Variants in MGST1 observed in about 807,000 individuals in gnomAD.
The protein encoded by MGST1 is microsomal glutathione S-transferase 1.
MGST1 carries 5 observed loss-of-function variants against 8.9 expected under a neutral mutation model. That is an observed-to-expected ratio of 0.56 (90% CI 0.29 to 1.19). The LOEUF (loss-of-function observed/expected upper bound fraction) is 1.19. Ranked by LOEUF, MGST1 falls within the 50% of genes most tolerant of loss-of-function variation. MGST1 has a pLI of 0.08. For missense variants in MGST1, 182 were observed against 187.4 expected (o/e 0.97, Z 0.17); for synonymous variants, 54 against 67.8 (o/e 0.80, Z 1.00).
At chr12:16,423,283 C>T (rs1940853980) in intron 1 of MGST1, among the ~76,000 whole-genome samples, 1 of 152,166 alleles carries the variant, frequency 6.6e-6, no homozygotes, top group Non-Finnish European at 1.5e-5. Flanking sequence ...TCAACTCAGA[C>T]CTGGCATGTA....
intron 4 of MGST1, chr12:16,573,518 A>G (rs1041374794): frequency 6.6e-6 from 1 of 152,192 alleles, no homozygotes; most frequent in Non-Finnish European, 1.5e-5. Flanking sequence ...CAGCCTGTCA[A>G]AAAAACCTGT....
At position 16,481,656 on chromosome 12, in the gene MGST1, TTAA is replaced by T. The variant is rs539056911; in HGVS notation, n.482+98057_482+98059del. Among the ~76,000 whole-genome samples, 27 of 152,104 alleles carry T rather than the reference TTAA, an allele frequency of 1.8e-4. 1 individual carries two copies. In the East Asian group the frequency reaches 5.2e-3, roughly 29 times the overall value. On this transcript the variant is annotated intron_variant and non_coding_transcript_variant, in intron 4 of 4. Coordinates refer to the MGST1 transcript ENST00000538857. ...AGATTGGACATGGCTGAAGAAATAA[TTAA>T]TAATCTAGACGGTAGATCTAAAGAA... is the stretch of plus-strand genomic sequence containing the variant.
intron 4 of MGST1, among the ~76,000 whole-genome samples, chr12:16,516,542 A>G (rs1941616874): frequency 1.3e-5 from 2 of 152,186 alleles, no homozygotes; most frequent in African/African-American, 2.4e-5. Flanking sequence ...TTTCCATTCT[A>G]CATCTGAAAG....
In MGST1 at chr12:16,446,529, A is replaced by C. The variant is rs2193140; in HGVS notation, n.482+62925A>C. 4.6e-5 allele frequency among the ~76,000 whole-genome samples: 7 copies of C among 151,682 alleles called. No individual in the cohort carries two copies. In the South Asian group the frequency reaches 1.0e-3, roughly 23 times the overall value. On this transcript the variant is annotated intron_variant and non_coding_transcript_variant, in intron 4 of 4. Coordinates refer to the MGST1 transcript ENST00000538857. ...ATTTATTTGTATTTAGAGATGCTGT[A>C]TTCTATTAACCATCTCCACAACTCC...
chr12:16,567,684 G>A (rs1942665274), intron 4 of MGST1: 1 of 152,192 alleles, frequency 6.6e-6, no homozygotes, highest in Non-Finnish European at 1.5e-5. Flanking sequence ...GTTAGGTGGA[G>A]TAGGTAGAGA....
rs1268191610 is a variant in MGST1 at position 16,413,285 on chromosome 12, G to A, written n.779-24103G>A. Among the ~76,000 whole-genome samples, 1 of 152,200 alleles carries A rather than the reference G, an allele frequency of 6.6e-6. No homozygotes were observed. The highest frequency in any genetic ancestry group is 6.5e-5 in the Admixed American group (1 of 15,278). Reference sequence around the variant, plus strand: ...CATACCACTTGTGTTGAGAAGCCATGCTAGCCACTGCTCAGGTAGCTGTCA... The same window carrying A: ...CATACCACTTGTGTTGAGAAGCCATACTAGCCACTGCTCAGGTAGCTGTCA... On this transcript the variant is annotated intron_variant and non_coding_transcript_variant, in intron 1 of 1. Transcript: ENST00000359720. This position sits in a 1 kb window ranked among gnomAD's most constrained non-coding sequence, Gnocchi z 4.0.
intron 1 of MGST1, among the ~76,000 whole-genome samples, chr12:16,434,047 C>T (rs1940962766): frequency 3.9e-5 from 6 of 152,098 alleles, no homozygotes; most frequent in Admixed American, 3.9e-4. Flanking sequence ...TCACAGTCCC[C>T]ATTACATTTC....
chr12:16,412,048 A>G (rs543514346), intron 1 of MGST1, among the ~76,000 whole-genome samples: 22 of 152,320 alleles, frequency 1.4e-4, no homozygotes, highest in African/African-American at 4.8e-4. Flanking sequence ...AAAATTAGTC[A>G]CTATTATTAC....
intron 1 of MGST1, among the ~76,000 whole-genome samples, chr12:16,390,278 A>G (rs1232236165): frequency 6.6e-6 from 1 of 152,198 alleles, no homozygotes; most frequent in Non-Finnish European, 1.5e-5. Context: ...GAAAGCTAAC[A>G]CATGCTACAA....
chr12:16,457,126 T>C (rs1941179864), intron 4 of MGST1, among the ~76,000 whole-genome samples: 1 of 152,008 alleles, frequency 6.6e-6, no homozygotes, highest in East Asian at 1.9e-4. Context: ...GGTCTTCTCA[T>C]ATCCAGGCAT....
At chr12:16,399,647 G>C (rs1024242692) in intron 1 of MGST1, 2 of 1,595,444 alleles carry the variant, frequency 1.3e-6, no homozygotes, top group South Asian at 2.2e-5. Context: ...TCCCCTCATC[G>C]TCAGGCTCCA....
downstream of MGST1, among the ~76,000 whole-genome samples, chr12:16,590,558 G>A (rs1273420763): frequency 6.6e-6 from 1 of 151,464 alleles, no homozygotes; most frequent in African/African-American, 2.4e-5. Context: ...AAAATTAATG[G>A]CCTTTGAAAA....
chr12:16,520,492 G>A (rs1294806743), intron 4 of MGST1, among the ~76,000 whole-genome samples: 2 of 152,090 alleles, frequency 1.3e-5, no homozygotes, highest in Non-Finnish European at 1.5e-5. Flanking sequence ...ACTGAGACTC[G>A]AAGAGCTGAG....
chr12:16,460,302 A>G (rs1001896873), intron 4 of MGST1, among the ~76,000 whole-genome samples: 1 of 152,096 alleles, frequency 6.6e-6, no homozygotes, highest in African/African-American at 2.4e-5. Flanking sequence ...CATGGCATAT[A>G]CATTTTCTGC....
chr12:16,432,723 CACACACACAG>C (rs773690852), intron 1 of MGST1, among the ~76,000 whole-genome samples: 146 of 124,184 alleles, frequency 1.2e-3, no homozygotes, highest in Non-Finnish European at 1.7e-3. Context: ...CACACACACA[CACACACACAG>C]AGAGAGAGAA....
At chr12:16,359,864 A>T (rs948128326) in intron 3 of MGST1, among the ~76,000 whole-genome samples, 2 of 152,156 alleles carry the variant, frequency 1.3e-5, no homozygotes, top group African/African-American at 4.8e-5. Context: ...GTAACAAAAG[A>T]TATTTTATTT....
intron 4 of MGST1, among the ~76,000 whole-genome samples, chr12:16,520,579 G>A (rs1343043586): frequency 6.6e-6 from 1 of 152,030 alleles, no homozygotes; most frequent in Admixed American, 6.6e-5. Context: ...CGTGTGGTAC[G>A]TGGTGTGGGA....
At chr12:16,419,256 C>T (rs1181416463) in intron 1 of MGST1, among the ~76,000 whole-genome samples, 2 of 152,166 alleles carry the variant, frequency 1.3e-5, no homozygotes, top group African/African-American at 4.8e-5. Context: ...TCAGATACCT[C>T]AGCCTACCTC....
chr12:16,372,681 A>G (rs1339756364), intron 3 of MGST1, among the ~76,000 whole-genome samples: 2 of 151,936 alleles, frequency 1.3e-5, no homozygotes, highest in African/African-American at 4.8e-5. Context: ...TGCTGGGTGT[A>G]TATTCGAAAG....
Sources: allele counts gnomAD v4.1 joint callset (sites outside exome capture counted in the v4.1 genomes callset), GRCh38; gene constraint gnomAD v4.1.1; non-coding constraint Gnocchi (gnomAD v3.1); transcripts MANE v1.5; gene names NCBI Gene and HGNC (gene_info 2026-07-23, HGNC 2026-07-21).